LYRM7: variants seen among roughly 807,000 people sequenced by gnomAD.
LYRM7 encodes the protein LYR motif containing 7, also known as complex III assembly factor LYRM7.
Under a neutral mutation model 15.8 loss-of-function variants are expected in LYRM7, and 9 were observed. That is an observed-to-expected ratio of 0.57 (90% CI 0.34 to 0.99). The LOEUF is 0.99. Ranked by LOEUF, LYRM7 falls within the 50% of genes least tolerant of loss-of-function variation. The pLI, the probability that LYRM7 is intolerant of heterozygous loss-of-function variation, is 0.02. For synonymous variants in LYRM7, 39 were observed against 39.4 expected (o/e 0.99, Z 0.04); for missense variants, 115 against 119.1 (o/e 0.97, Z 0.16).
intron 1 of LYRM7, 72 bp downstream of exon 1, chr5:131,171,110 C>T: frequency 7.2e-7 from 1 of 1,388,544 alleles, no homozygotes; most frequent in Non-Finnish European, 9.5e-7. Context: ...AGAAAACTGT[C>T]TGGAGTCTCT....
chr5:131,194,732 AT>A (rs751869026), intron 4 of LYRM7, among the ~76,000 whole-genome samples: 1 of 151,700 alleles, frequency 6.6e-6, no homozygotes, highest in Non-Finnish European at 1.5e-5. Flanking sequence ...AAATGGCAGC[AT>A]TTTTTTCTGG....
chr5:131,172,266 T>C (rs1008503916), intron 1 of LYRM7, among the ~76,000 whole-genome samples: 1 of 152,106 alleles, frequency 6.6e-6, no homozygotes, highest in Non-Finnish European at 1.5e-5. Flanking sequence ...ATACAAAAAT[T>C]AGCTGGGCAT....
In LYRM7 at chr5:131,196,102, C is replaced by CTT. The variant is rs561484173; in HGVS notation, c.245-3412_245-3411dup. ...CCTCTCCAGTATCTATTCTCCTGTT[C>CTT]TTTTTTTTTTTTTTTTTTGGAGATA... is the stretch of plus-strand genomic sequence containing the variant. On this transcript the variant is annotated intron_variant, in intron 4 of 4. Coordinates refer to ENST00000379380, the MANE Select transcript of LYRM7 (RefSeq NM_181705.4). Among the ~76,000 whole-genome samples the CTT allele has an allele frequency of 1.2e-3, 151 of 131,010 alleles. 1 individual carries two copies. The highest frequency in any genetic ancestry group is 3.7e-3 in the African/African-American group (130 of 35,168). 85.9% of individuals were successfully genotyped at this position (131,010 alleles called of 152,430 possible).
At chr5:131,193,625 T>C (rs1348640488) in intron 4 of LYRM7, among the ~76,000 whole-genome samples, 1 of 152,240 alleles carries the variant, frequency 6.6e-6, no homozygotes, top group East Asian at 1.9e-4. Flanking sequence ...CACACTATTA[T>C]AAACTATGCT....
intron 1 of LYRM7, among the ~76,000 whole-genome samples, chr5:131,173,816 C>G (rs1755559479): frequency 6.6e-6 from 1 of 152,178 alleles, no homozygotes; most frequent in Non-Finnish European, 1.5e-5. Flanking sequence ...AAAATGCTAA[C>G]AATTATTTGA....
chr5:131,182,254 A>G lies in LYRM7; in HGVS notation c.117A>G (p.Glu39=), dbSNP rs1304691075. The part of the protein sequence containing the change: ...LEAARIKINE[E]FKNNKSETSS... The stretch of plus-strand genomic sequence containing the variant: ...CAGCCAGAATAAAGATAAATGAAGA[A>G]TTCAAAAATAATAAAAGTGAAACTT... Residue 39 remains glutamate (E), a synonymous_variant, in exon 3 of 5, where the codon GAA becomes GAG. Transcript: ENST00000379380. The G allele has an allele frequency of 5.6e-6, 8 of 1,437,856 alleles. No homozygotes were observed. Among genetic ancestry groups the G allele is most frequent in the Middle Eastern group, 1.8e-4 (1 of 5,484 alleles). The allele number at this position is 1,437,856 out of a possible 1,614,324, so 89.1% of individuals were successfully genotyped here. A position where few individuals can be genotyped will look rare whatever the true frequency, so the allele number is the denominator to read the frequency against.
At chr5:131,181,316 T>TATATATATATATATATATATATATATAC (rs1208669077) in intron 2 of LYRM7, among the ~76,000 whole-genome samples, 1 of 27,644 alleles carries the variant, frequency 3.6e-5, no homozygotes, top group Admixed American at 7.8e-4. Context: ...TATATATATA[T>TATATATATATATATATATATATATATAC]ACACACACAC....
At chr5:131,184,532 T>C (rs1561545524) in intron 3 of LYRM7, among the ~76,000 whole-genome samples, 1 of 151,998 alleles carries the variant, frequency 6.6e-6, no homozygotes, top group East Asian at 1.9e-4. Flanking sequence ...CGCCTTGACA[T>C]GAGGTAATTT....
chr5:131,173,328 C>T (rs1439426102), intron 1 of LYRM7, among the ~76,000 whole-genome samples: 1 of 152,192 alleles, frequency 6.6e-6, no homozygotes, highest in Non-Finnish European at 1.5e-5. Flanking sequence ...TTCAAGCCCA[C>T]GGCGACGAAG....
chr5:131,181,316 T>TATATATATATATATACACAC (rs1208669077), intron 2 of LYRM7, among the ~76,000 whole-genome samples: 11 of 27,640 alleles, frequency 4.0e-4, no homozygotes, highest in East Asian at 1.7e-3. Flanking sequence ...TATATATATA[T>TATATATATATATATACACAC]ACACACACAC....
intron 2 of LYRM7, among the ~76,000 whole-genome samples, chr5:131,181,513 A>G (rs1755714145): frequency 7.1e-6 from 1 of 140,324 alleles, no homozygotes; most frequent in South Asian, 2.1e-4. Context: ...CACAACATAG[A>G]AGGAAGTTTT....
intron 4 of LYRM7, among the ~76,000 whole-genome samples, chr5:131,191,573 A>AT (rs1428685161): frequency 6.6e-6 from 1 of 152,002 alleles, no homozygotes; most frequent in Non-Finnish European, 1.5e-5. Context: ...CTCATTTTTA[A>AT]TTTTTTTTAA....
intron 2 of LYRM7, among the ~76,000 whole-genome samples, chr5:131,181,468 T>G (rs1258992668): frequency 7.6e-6 from 1 of 132,298 alleles, no homozygotes; most frequent in East Asian, 2.0e-4. Flanking sequence ...TATATATGTA[T>G]ATATATATAA....
Position 131,199,649 on chromosome 5 carries a change from A to C in LYRM7, c.*48A>C. ...TTTGTACTTTTTAACTTTAAAATCTACAACTCTGGCAAAAGTCCTGGAAAT... is the reference window on the plus strand; with the variant it reads ...TTTGTACTTTTTAACTTTAAAATCTCCAACTCTGGCAAAAGTCCTGGAAAT... On this transcript the variant is annotated 3_prime_UTR_variant, in exon 5 of 5. Transcript: ENST00000379380. The C allele has an allele frequency of 7.3e-7, 1 of 1,371,556 alleles. No homozygotes were observed. The highest frequency in any genetic ancestry group is 1.0e-6 in the Non-Finnish European group (1 of 991,192). The allele number at this position is 1,371,556 out of a possible 1,614,324, so 85.0% of individuals were successfully genotyped here.
chr5:131,194,878 G>T (rs760286214), intron 4 of LYRM7, among the ~76,000 whole-genome samples: 5 of 152,214 alleles, frequency 3.3e-5, no homozygotes, highest in Non-Finnish European at 7.3e-5. Flanking sequence ...TGCCTTTCCA[G>T]CTTCTAAGCA....
chr5:131,197,793 C>A (rs939128577), intron 4 of LYRM7, among the ~76,000 whole-genome samples: 1 of 151,740 alleles, frequency 6.6e-6, no homozygotes, highest in African/African-American at 2.4e-5. Flanking sequence ...AATCTTCCCA[C>A]CTCAGCTTCC....
At chr5:131,198,140 A>G (rs1039453919) in intron 4 of LYRM7, among the ~76,000 whole-genome samples, 10 of 152,232 alleles carry the variant, frequency 6.6e-5, no homozygotes, top group Admixed American at 3.3e-4. Flanking sequence ...GATCTCCTGG[A>G]GAAATACCTT....
intron 1 of LYRM7, among the ~76,000 whole-genome samples, chr5:131,174,485 G>T (rs528908632): frequency 6.6e-6 from 1 of 152,298 alleles, no homozygotes; most frequent in Admixed American, 6.5e-5. Flanking sequence ...CTTCCCAGGA[G>T]GTTTTCAATT....
intron 4 of LYRM7, among the ~76,000 whole-genome samples, chr5:131,192,599 C>T (rs767128432): frequency 4.6e-5 from 7 of 151,964 alleles, no homozygotes; most frequent in Non-Finnish European, 7.4e-5. Context: ...TTATCCTTGC[C>T]GGTGAATTCA....
Sources: allele counts gnomAD v4.1 joint callset (sites outside exome capture counted in the v4.1 genomes callset), GRCh38; gene constraint gnomAD v4.1.1; transcripts MANE v1.5; gene names NCBI Gene and HGNC (gene_info 2026-07-23, HGNC 2026-07-21).